FLT1: variants seen among roughly 807,000 people sequenced by gnomAD.
FLT1 encodes fms related receptor tyrosine kinase 1.
In FLT1, 49 loss-of-function variants were observed where a neutral mutation model predicts 156.3. The observed-to-expected ratio is 0.31, with a 90% confidence interval of 0.25 to 0.40. FLT1 has a LOEUF of 0.40. Ranked by LOEUF, FLT1 falls within the 10% of genes least tolerant of loss-of-function variation. The pLI, the probability that FLT1 is intolerant of heterozygous loss-of-function variation, is 1.00. For synonymous variants in FLT1, 594 were observed against 583.8 expected, an observed-to-expected ratio of 1.02 and a Z score of -0.25; for missense variants, 1,322 against 1,637.2, an observed-to-expected ratio of 0.81 and a Z score of 3.32.
At position 28,302,818 on chromosome 13, in the gene FLT1, A is replaced by T; in HGVS notation, c.*349T>A. ...GGCTGCAGGGCTGGCCCAGTGGGGTACGTGATGCATTGGGTGATCAGTGCA... is the reference window on the plus strand; with the variant it reads ...GGCTGCAGGGCTGGCCCAGTGGGGTTCGTGATGCATTGGGTGATCAGTGCA... On this transcript the variant is annotated 3_prime_UTR_variant, in exon 30 of 30. Transcript: ENST00000282397. 3.1e-6 allele frequency: 1 copy of T among 324,260 alleles called. No homozygotes were observed. Among genetic ancestry groups the T allele is most frequent in the Non-Finnish European group, 5.8e-6 (1 of 173,882 alleles). 20.1% of individuals were successfully genotyped at this position (324,260 alleles called of 1,614,324 possible).
intron 10 of FLT1, among the ~76,000 whole-genome samples, chr13:28,422,067 T>C (rs979422738): frequency 1.3e-5 from 2 of 152,262 alleles, no homozygotes; most frequent in African/African-American, 2.4e-5. Flanking sequence ...ACATAAATGC[T>C]AAAGACAAGT....
chr13:28,379,850 A>G (rs565065307), intron 14 of FLT1, among the ~76,000 whole-genome samples: 1 of 152,214 alleles, frequency 6.6e-6, no homozygotes. Flanking sequence ...AAAGGAAATG[A>G]TAAGGGAGGA....
At chr13:28,412,174 AGCAGGGCCTGATGTAAACATTCCTCT>A (rs1164702317) in intron 10 of FLT1, among the ~76,000 whole-genome samples, 1 of 152,226 alleles carries the variant, frequency 6.6e-6, no homozygotes, top group African/African-American at 2.4e-5. Context: ...GCCATCCTGT[AGCAGGGCCTGATGTAAACATTCCTCT>A]GCTACTGTGG....
chr13:28,358,052 A>G (rs1262457668), intron 14 of FLT1, among the ~76,000 whole-genome samples: 2 of 151,946 alleles, frequency 1.3e-5, no homozygotes, highest in Non-Finnish European at 2.9e-5. Context: ...AATAACAACT[A>G]TCATTGACTC....
chr13:28,408,058 A>G lies in FLT1; in HGVS notation c.1437-2164T>C, dbSNP rs534157529. On this transcript the variant is annotated intron_variant, in intron 10 of 29. Transcript: ENST00000282397. The stretch of plus-strand genomic sequence containing the variant: ...ATTTGCATATGTACTTGGGATTGTG[A>G]CATCAAACAGCTAAAGTTCTCTTGT... 3.3e-5 allele frequency among the ~76,000 whole-genome samples: 5 copies of G among 152,328 alleles called. No homozygotes were observed. In the East Asian group the frequency reaches 9.6e-4, roughly 29 times the overall value.
chr13:28,384,768 G>A (rs1874251757), intron 14 of FLT1, 117 bp downstream of exon 14: 1 of 982,940 alleles, frequency 1.0e-6, no homozygotes, highest in Admixed American at 1.8e-5. Context: ...CCCAGTGTTT[G>A]GGGCTCTATC....
intron 15 of FLT1, among the ~76,000 whole-genome samples, chr13:28,349,253 T>C (rs1280762821): frequency 6.6e-6 from 1 of 152,206 alleles, no homozygotes; most frequent in Admixed American, 6.5e-5. Flanking sequence ...TGGTCTTAAG[T>C]TTCCCTGAAC....
At position 28,308,835 on chromosome 13, in the gene FLT1, C is replaced by T. The variant is rs773891087; in HGVS notation, c.3720+8G>A. 1.3e-4 allele frequency: 213 copies of T among 1,593,336 alleles called. No homozygotes were observed. Among genetic ancestry groups the T allele is most frequent in the Admixed American group, 9.7e-4 (58 of 59,988 alleles). On this transcript the variant is annotated splice_region_variant and intron_variant, in intron 28 of 29. Coordinates refer to ENST00000282397, the MANE Select transcript of FLT1 (RefSeq NM_002019.4). ...GGGTGCACTAGGTACCTTAACTTCA[C>T]GACTTACATCAAACATGGAGGTGGC...
chr13:28,397,123 C>T, intron 11 of FLT1, 55 bp from the exon 12 acceptor site: 2 of 972,396 alleles, frequency 2.1e-6, no homozygotes, highest in South Asian at 1.3e-5. Flanking sequence ...TAATTGAACA[C>T]CCCAAGCTAC....
Position 28,322,531 on chromosome 13 carries a change from A to G in FLT1, c.2954-172T>C, listed in dbSNP as rs1217605225. On this transcript the variant is annotated intron_variant, in intron 21 of 29. Coordinates refer to ENST00000282397, the MANE Select transcript of FLT1 (RefSeq NM_002019.4). This position sits in a 1 kb window ranked among gnomAD's most constrained non-coding sequence, Gnocchi z 4.3. ...ACACCAGAGATTTTTCCAGGCCTCC[A>G]GCCCACTTTATCCAAGCATGGGGGC... 7 of 723,936 alleles carry G rather than the reference A, an allele frequency of 9.7e-6. No individual in the cohort carries two copies. The highest frequency in any genetic ancestry group is 3.5e-5 in the African/African-American group (2 of 57,626). The allele number at this position is 723,936 out of a possible 1,614,324, so 44.8% of individuals were successfully genotyped here.
At chr13:28,471,343 G>A (rs1051782297) in intron 1 of FLT1, among the ~76,000 whole-genome samples, 1 of 152,186 alleles carries the variant, frequency 6.6e-6, no homozygotes, top group Non-Finnish European at 1.5e-5. Context: ...CAAGATTATA[G>A]TTTAACAGGA....
chr13:28,364,823 G>A (rs1285881553), intron 14 of FLT1, among the ~76,000 whole-genome samples: 1 of 152,020 alleles, frequency 6.6e-6, no homozygotes, highest in Non-Finnish European at 1.5e-5. Context: ...ATCTATCCCT[G>A]TACCACATAA....
intron 28 of FLT1, 98 bp from the exon 29 acceptor site, chr13:28,306,870 C>T (rs1870774531): frequency 2.5e-6 from 2 of 796,648 alleles, no homozygotes; most frequent in East Asian, 2.5e-5. Context: ...TTGATCCAGG[C>T]TCTGCCTCAC....
chr13:28,331,475 G>A (rs1871927931), intron 18 of FLT1, among the ~76,000 whole-genome samples: 1 of 152,218 alleles, frequency 6.6e-6, no homozygotes, highest in South Asian at 2.1e-4. Context: ...CTGTCACCCA[G>A]GCTGGAGTGC....
intron 10 of FLT1, among the ~76,000 whole-genome samples, chr13:28,407,303 C>A (rs1348466652): frequency 1.3e-5 from 2 of 152,040 alleles, no homozygotes; most frequent in Non-Finnish European, 2.9e-5. Flanking sequence ...GTGTGATACA[C>A]CCCCATATAC....
In FLT1 at chr13:28,387,701, TC is replaced by T. The variant is rs890587163; in HGVS notation, c.1969+2094del. On this transcript the variant is annotated intron_variant, in intron 13 of 29. Transcript: ENST00000282397. ...TTCCCCATTTTAGGCTCCTTTTTTCTCCTTTTTTTTTTCTCCCCCCTCCGTT... is the reference window on the plus strand; with the variant it reads ...TTCCCCATTTTAGGCTCCTTTTTTCTCTTTTTTTTTTCTCCCCCCTCCGTT... 36 of 1,057,796 alleles carry T rather than the reference TC, an allele frequency of 3.4e-5. No individual in the cohort carries two copies. In the African/African-American group the frequency reaches 5.5e-4, roughly 16 times the overall value. 65.5% of individuals were successfully genotyped at this position (1,057,796 alleles called of 1,614,324 possible).
At chr13:28,404,636 A>C (rs953485763) in intron 11 of FLT1, among the ~76,000 whole-genome samples, 1 of 152,218 alleles carries the variant, frequency 6.6e-6, no homozygotes, top group African/African-American at 2.4e-5. Flanking sequence ...CAGGCAGTGG[A>C]ATCTGTATTA....
intron 12 of FLT1, among the ~76,000 whole-genome samples, chr13:28,394,281 A>C (rs1874911264): frequency 6.6e-6 from 1 of 152,208 alleles, no homozygotes; most frequent in Admixed American, 6.5e-5. Context: ...GTCAGTTTTA[A>C]AGTTAAAGCT....
At position 28,439,948 on chromosome 13, in the gene FLT1, G is replaced by T. The variant is rs780405404; in HGVS notation, c.389-1603C>A. 1.3e-5 allele frequency among the ~76,000 whole-genome samples: 2 copies of T among 152,242 alleles called. No homozygotes were observed. The highest frequency in any genetic ancestry group is 2.9e-5 in the Non-Finnish European group (2 of 68,046). On this transcript the variant is annotated intron_variant, in intron 3 of 29. Transcript: ENST00000282397. This position sits in a 1 kb window ranked among gnomAD's most constrained non-coding sequence, Gnocchi z 4.1. ...CATTGCTGTAGCCTGCTGAAGATGGGATAGTTTTCTGCACAGCAGTGTGGA... is the reference window on the plus strand; with the variant it reads ...CATTGCTGTAGCCTGCTGAAGATGGTATAGTTTTCTGCACAGCAGTGTGGA...
Sources: allele counts gnomAD v4.1 joint callset (sites outside exome capture counted in the v4.1 genomes callset), GRCh38; gene constraint gnomAD v4.1.1; non-coding constraint Gnocchi (gnomAD v3.1); transcripts MANE v1.5; gene names NCBI Gene and HGNC (gene_info 2026-07-23, HGNC 2026-07-21).